DOCK1: variants seen among roughly 807,000 people sequenced by gnomAD.
DOCK1 encodes dedicator of cytokinesis 1.
Under a neutral mutation model 262.7 loss-of-function variants are expected in DOCK1, and 138 were observed. The ratio of observed to expected loss-of-function variants is 0.53; its 90% confidence interval spans 0.46 to 0.61. The LOEUF (loss-of-function observed/expected upper bound fraction) is 0.61. DOCK1 is among the 20% of genes least tolerant of loss of function. DOCK1 has a pLI of 0.00. For missense variants in DOCK1, 1,908 were observed against 2,370.7 expected, an observed-to-expected ratio of 0.80 and a Z score of 4.05; for synonymous variants, 866 against 867.4, an observed-to-expected ratio of 1.00 and a Z score of 0.03.
chr10:126,997,728 C>G (rs2040311901), intron 7 of DOCK1: 5 of 238,844 alleles, frequency 2.1e-5, no homozygotes, highest in African/African-American at 1.1e-4. Context: ...CTACTGTGTA[C>G]CAAATGTTGA....
At chr10:127,291,069 C>T (rs1315902690) in intron 29 of DOCK1, among the ~76,000 whole-genome samples, 1 of 152,164 alleles carries the variant, frequency 6.6e-6, no homozygotes, top group Non-Finnish European at 1.5e-5. Flanking sequence ...TCCTCGACTG[C>T]TTCAGCTGAA....
chr10:126,963,612 TC>T (rs2037407563), intron 1 of DOCK1, among the ~76,000 whole-genome samples: 16 of 61,918 alleles, frequency 2.6e-4, no homozygotes, highest in African/African-American at 1.3e-3. Flanking sequence ...TCCCTTCCCT[TC>T]CCTTCCCTTC....
chr10:127,409,190 G>A lies in DOCK1; in HGVS notation c.4264+12G>A. 1 of 1,613,542 alleles carries A rather than the reference G, an allele frequency of 6.2e-7. No homozygotes were observed. The highest frequency in any genetic ancestry group is 1.1e-5 in the South Asian group (1 of 91,046). On this transcript the variant is annotated intron_variant, in intron 41 of 51. Coordinates refer to ENST00000623213, the MANE Select transcript of DOCK1 (RefSeq NM_001290223.2). ...CTCTCCTGGCCAGTGTATCCTTTAAGACAACCTCATCAACTCTGAAACCAT... is the reference window on the plus strand; with the variant it reads ...CTCTCCTGGCCAGTGTATCCTTTAAAACAACCTCATCAACTCTGAAACCAT...
intron 1 of DOCK1, among the ~76,000 whole-genome samples, chr10:126,936,520 A>G (rs971302923): frequency 0.011 from 1,639 of 152,326 alleles, 38 homozygotes; most frequent in African/African-American, 0.037. Flanking sequence ...TTTTTTCCAA[A>G]GTATTTAAAA....
chr10:126,909,780 C>T (rs1003825786), intron 1 of DOCK1, among the ~76,000 whole-genome samples: 2 of 152,170 alleles, frequency 1.3e-5, no homozygotes, highest in African/African-American at 4.8e-5. Flanking sequence ...TTAAGATATG[C>T]CAAGTACTCA....
chr10:127,036,806 T>C (rs1391587323), intron 18 of DOCK1, among the ~76,000 whole-genome samples: 1 of 151,712 alleles, frequency 6.6e-6, no homozygotes, highest in African/African-American at 2.4e-5. Flanking sequence ...AAATCCTGTC[T>C]CCACTAAAAC....
At chr10:127,266,667 G>A (rs1401832741) in intron 29 of DOCK1, among the ~76,000 whole-genome samples, 1 of 152,180 alleles carries the variant, frequency 6.6e-6, no homozygotes, top group African/African-American at 2.4e-5. Flanking sequence ...AGGTGCTCAC[G>A]ATGAGATGTG....
At chr10:127,281,958 G>A (rs917906879) in intron 29 of DOCK1, among the ~76,000 whole-genome samples, 2 of 152,130 alleles carry the variant, frequency 1.3e-5, no homozygotes, top group African/African-American at 4.8e-5. Context: ...GCTTCATGTT[G>A]GAAGTATTGT....
chr10:127,045,323 G>A (rs2044276815), intron 21 of DOCK1, among the ~76,000 whole-genome samples: 1 of 151,712 alleles, frequency 6.6e-6, no homozygotes. Flanking sequence ...GCAACCTCAC[G>A]TGGTTCCTCA....
intron 1 of DOCK1, among the ~76,000 whole-genome samples, chr10:126,963,377 A>G (rs1270832845): frequency 6.6e-6 from 1 of 152,070 alleles, no homozygotes; most frequent in Non-Finnish European, 1.5e-5. Flanking sequence ...TCTCAGCAAC[A>G]TTTCGTTAGT....
chr10:127,290,982 GT>G (rs2061328560), intron 29 of DOCK1, among the ~76,000 whole-genome samples: 1 of 152,168 alleles, frequency 6.6e-6, no homozygotes, highest in Non-Finnish European at 1.5e-5. Flanking sequence ...TGCATGTTTA[GT>G]TTTGTAAACG....
At chr10:127,202,909 C>T (rs2057537213) in intron 27 of DOCK1, among the ~76,000 whole-genome samples, 1 of 152,190 alleles carries the variant, frequency 6.6e-6, no homozygotes, top group South Asian at 2.1e-4. Context: ...AAAATGCCAA[C>T]TGCTCATGCC....
intron 1 of DOCK1, among the ~76,000 whole-genome samples, chr10:126,922,817 A>G (rs1469753894): frequency 6.6e-6 from 1 of 152,242 alleles, no homozygotes; most frequent in Non-Finnish European, 1.5e-5. Flanking sequence ...CTCCTTTAAA[A>G]AAAAAGATGA....
intron 16 of DOCK1, among the ~76,000 whole-genome samples, chr10:127,030,804 C>G (rs1179773714): frequency 6.6e-6 from 1 of 151,268 alleles, no homozygotes; most frequent in Non-Finnish European, 1.5e-5. Flanking sequence ...ATCTCTGTCT[C>G]TGTCTCTGTC....
chr10:126,935,035 A>G (rs913138912), intron 1 of DOCK1, among the ~76,000 whole-genome samples: 4 of 152,194 alleles, frequency 2.6e-5, no homozygotes, highest in Admixed American at 2.6e-4. Flanking sequence ...GTGTGAACCC[A>G]GGAGGCGGAG....
chr10:127,190,675 C>T (rs1440426712), intron 27 of DOCK1, among the ~76,000 whole-genome samples: 2 of 24,072 alleles, frequency 8.3e-5, no homozygotes, highest in Non-Finnish European at 1.4e-4. Flanking sequence ...TCCCCCCCCC[C>T]CCCCCCCCGT....
chr10:127,374,359 G>T, intron 35 of DOCK1, 145 bp downstream of exon 35: 1 of 1,142,782 alleles, frequency 8.8e-7, no homozygotes, highest in Admixed American at 3.2e-5. Context: ...CTCATCTGCT[G>T]CAGGGAAGGA....
chr10:127,067,862 C>A (rs983965872), intron 23 of DOCK1, among the ~76,000 whole-genome samples: 2 of 151,684 alleles, frequency 1.3e-5, no homozygotes, highest in African/African-American at 4.9e-5. Flanking sequence ...CCCTGACGCT[C>A]AGGCAACTTT....
At chr10:127,072,780 G>A (rs1224150681) in intron 23 of DOCK1, among the ~76,000 whole-genome samples, 2 of 152,192 alleles carry the variant, frequency 1.3e-5, no homozygotes, top group Non-Finnish European at 2.9e-5. Flanking sequence ...CACTGCCATG[G>A]TGGTTGTTAA....
Sources: gnomAD v4.1 joint callset for allele counts (sites outside exome capture counted in the v4.1 genomes callset) on GRCh38, gnomAD v4.1.1 for gene constraint, MANE v1.5 for transcripts, NCBI Gene and HGNC (gene_info 2026-07-23, HGNC 2026-07-21) for gene names.